Variants in APBB2 observed in about 807,000 individuals in gnomAD.
APBB2 encodes Fe65-like 1.
A neutral mutation model predicts 82.5 loss-of-function variants in APBB2; 38 were observed. The ratio of observed to expected loss-of-function variants is 0.46; its 90% CI spans 0.36 to 0.60. The LOEUF is 0.60. Among genes scored for constraint, APBB2 ranks in the 20% least tolerant of loss-of-function variants. APBB2 has a pLI of 0.00. For synonymous variants in APBB2, 341 were observed against 368.2 expected (o/e 0.93, Z 0.85); for missense variants, 772 against 972.3 (o/e 0.79, Z 2.74).
At chr4:41,200,621 A>AT (rs1054591154) in intron 1 of APBB2, among the ~76,000 whole-genome samples, 9 of 152,004 alleles carry the variant, frequency 5.9e-5, no homozygotes, top group South Asian at 2.1e-4. Context: ...GAAATAACTG[A>AT]TTTTTTTTTC....
chr4:41,017,562 C>G (rs755165634), intron 5 of APBB2, among the ~76,000 whole-genome samples: 3 of 152,214 alleles, frequency 2.0e-5, no homozygotes, highest in Non-Finnish European at 2.9e-5. Flanking sequence ...AATAATAGTA[C>G]TTGGTTTACA....
chr4:41,013,553 C>G (rs1212835034), intron 6 of APBB2, 30 bp downstream of exon 6: 1 of 1,570,958 alleles, frequency 6.4e-7, no homozygotes, highest in Non-Finnish European at 8.6e-7. Flanking sequence ...AAAAAAGTGC[C>G]AGCTGAGGCT....
chr4:40,907,375 A>ATTTTT (rs1316757649), intron 10 of APBB2, among the ~76,000 whole-genome samples: 4 of 32,512 alleles, frequency 1.2e-4, no homozygotes, highest in Admixed American at 6.1e-4. Context: ...ATATATATAT[A>ATTTTT]TATATTTTTT....
At chr4:40,890,263 G>T in intron 12 of APBB2, 101 bp downstream of exon 12, 1 of 1,443,690 alleles carries the variant, frequency 6.9e-7, no homozygotes, top group Non-Finnish European at 9.3e-7. Flanking sequence ...GAAGCTACAT[G>T]AGTTTCGTAT....
chr4:41,146,129 C>G (rs1162982210), intron 1 of APBB2, among the ~76,000 whole-genome samples: 13 of 152,194 alleles, frequency 8.5e-5, no homozygotes, highest in Middle Eastern at 3.4e-3. Flanking sequence ...AGTTCAAGAC[C>G]AGCCTGGCCA....
chr4:40,983,081 G>T (rs1212255303), intron 6 of APBB2, among the ~76,000 whole-genome samples: 1 of 152,152 alleles, frequency 6.6e-6, no homozygotes, highest in Non-Finnish European at 1.5e-5. Context: ...CACTTACCAT[G>T]AATTAACTAG....
chr4:41,032,778 C>CTTTTTTTTTTTTTTTTT (rs11421268), intron 5 of APBB2, among the ~76,000 whole-genome samples: 3 of 84,316 alleles, frequency 3.6e-5, no homozygotes, highest in East Asian at 3.9e-4. Context: ...ATTTTTCTTT[C>CTTTTTTTTTTTTTTTTT]TTTTTTTTTT....
intron 6 of APBB2, among the ~76,000 whole-genome samples, chr4:41,001,285 T>A (rs934413904): frequency 1.3e-5 from 2 of 152,204 alleles, no homozygotes; most frequent in African/African-American, 4.8e-5. Flanking sequence ...TTAAATAGAC[T>A]TTCATGGGCA....
chr4:41,012,581 T>C (rs1204762244), intron 6 of APBB2, among the ~76,000 whole-genome samples: 2 of 152,216 alleles, frequency 1.3e-5, no homozygotes, highest in Non-Finnish European at 2.9e-5. Context: ...TTTTTTCTTC[T>C]TAAACAAGTT....
At position 41,033,307 on chromosome 4, in the gene APBB2, A is replaced by G; in HGVS notation, c.-50-3T>C. On this transcript the variant is annotated splice_region_variant and splice_polypyrimidine_tract_variant and intron_variant, in intron 4 of 17. Transcript: ENST00000508593. The stretch of plus-strand genomic sequence containing the variant: ...GGAAATAGGTTATAATTTGAAATCT[A>G]AAAAGAAGGGATCATTTGAGAAATT... The G allele has an allele frequency of 6.4e-7, 1 of 1,551,822 alleles. No homozygotes were observed. Among genetic ancestry groups the G allele is most frequent in the Non-Finnish European group, 8.7e-7 (1 of 1,143,320 alleles).
intron 1 of APBB2, among the ~76,000 whole-genome samples, chr4:41,175,453 G>A (rs973703726): frequency 1.3e-5 from 2 of 152,024 alleles, no homozygotes; most frequent in South Asian, 4.2e-4. Context: ...TTGTTTGTTT[G>A]TTTTTTAAGT....
intron 2 of APBB2, among the ~76,000 whole-genome samples, chr4:41,101,202 C>T (rs965716206): frequency 2.0e-5 from 3 of 152,092 alleles, no homozygotes; most frequent in Non-Finnish European, 2.9e-5. Flanking sequence ...CGGTGGCTCA[C>T]GCCTGTAATC....
chr4:40,930,444 TGTGTGCGC>T (rs56033076), intron 10 of APBB2, among the ~76,000 whole-genome samples: 13,698 of 60,618 alleles, frequency 0.23, 647 homozygotes, highest in Middle Eastern at 0.29. Flanking sequence ...TGTGTGTGTG[TGTGTGCGC>T]GCGCGCGCGC....
intron 3 of APBB2, among the ~76,000 whole-genome samples, chr4:41,070,171 T>A (rs935436310): frequency 5.9e-5 from 9 of 152,208 alleles, no homozygotes. Flanking sequence ...TCTCGCTTCC[T>A]TGAAAATTTT....
intron 12 of APBB2, chr4:40,856,855 G>T: frequency 1.3e-6 from 1 of 792,336 alleles, no homozygotes; most frequent in Non-Finnish European, 1.5e-6. Context: ...CAGCCGTCCA[G>T]GACCAGGCAA....
At chr4:40,883,563 G>T (rs1769307697) in intron 12 of APBB2, among the ~76,000 whole-genome samples, 1 of 152,066 alleles carries the variant, frequency 6.6e-6, no homozygotes, top group Non-Finnish European at 1.5e-5. Flanking sequence ...CTCCAGCCTG[G>T]GCAACAAGAG....
rs548214865 is a variant in APBB2, at chr4:41,128,772, C to T, written c.-261+14215G>A. Among the ~76,000 whole-genome samples, 108 of 152,312 alleles carry T rather than the reference C, an allele frequency of 7.1e-4. 1 individual carries two copies. Among genetic ancestry groups the T allele is most frequent in the Non-Finnish European group, 7.5e-4 (51 of 68,044 alleles). On this transcript the variant is annotated intron_variant, in intron 2 of 17. Transcript: ENST00000508593. ...CCTACTGTCCTACAAACACATTTCC[C>T]CTTCCAACTTTCCTGGTTGGGGCAC...
intron 4 of APBB2, among the ~76,000 whole-genome samples, chr4:41,054,604 C>T (rs945799270): frequency 2.6e-5 from 4 of 152,148 alleles, no homozygotes; most frequent in African/African-American, 7.2e-5. Flanking sequence ...TATAAAGTAA[C>T]TGTTTTAAAA....
Position 40,893,369 on chromosome 4 carries a change from C to G in APBB2, c.1297G>C (p.Glu433Gln). The G allele has an allele frequency of 6.2e-7, 1 of 1,613,756 alleles. No individual in the cohort carries two copies. Among genetic ancestry groups the G allele is most frequent in the Non-Finnish European group, 8.5e-7 (1 of 1,179,856 alleles). Residue 433 changes from glutamate (E) to glutamine (Q), a missense_variant, in exon 11 of 18, where the codon GAG becomes CAG. By Grantham distance (29) the Glu-to-Gln change is conservative (BLOSUM62 2). Coordinates refer to ENST00000508593, the MANE Select transcript of APBB2 (RefSeq NM_004307.2). ...CTACTTTTACCGGGGGCGAGGTCCTCTTCTGCCATCTCTACCCATCCCAGA... is the reference window on the plus strand; with the variant it reads ...CTACTTTTACCGGGGGCGAGGTCCTGTTCTGCCATCTCTACCCATCCCAGA... ...RSLGWVEMAE[E>Q]DLAPGKSSVA...
Sources: allele counts gnomAD v4.1 joint callset (sites outside exome capture counted in the v4.1 genomes callset), GRCh38; gene constraint gnomAD v4.1.1; transcripts MANE v1.5; gene names NCBI Gene and HGNC (gene_info 2026-07-23, HGNC 2026-07-21).